Variants in NRCAM observed in about 807,000 individuals in gnomAD.
NRCAM encodes the protein NgCAM-related cell adhesion molecule.
NRCAM carries 83 observed loss-of-function variants against 156.5 expected under a neutral mutation model. The observed-to-expected ratio is 0.53, with a 90% CI of 0.44 to 0.64. The LOEUF (loss-of-function observed/expected upper bound fraction) is 0.64. Ranked by LOEUF, NRCAM falls within the 30% of genes least tolerant of loss-of-function variation. NRCAM has a pLI of 0.00. For missense variants in NRCAM, 1,417 were observed against 1,597.3 expected (o/e 0.89, Z 1.92); for synonymous variants, 538 against 563.9 (o/e 0.95, Z 0.65).
chr7:108,377,990 A>T (rs2099683325), intron 2 of NRCAM, among the ~76,000 whole-genome samples: 1 of 152,206 alleles, frequency 6.6e-6, no homozygotes, highest in Non-Finnish European at 1.5e-5. Flanking sequence ...TCCCTTAGAA[A>T]CAAACTTAAA....
intron 2 of NRCAM, among the ~76,000 whole-genome samples, chr7:108,317,777 C>G (rs187011696): frequency 2.0e-5 from 3 of 151,518 alleles, no homozygotes; most frequent in Non-Finnish European, 4.4e-5. Context: ...GACGTGGTGG[C>G]GGGCACCTGT....
chr7:108,421,357 C>G (rs749377334), intron 1 of NRCAM, among the ~76,000 whole-genome samples: 1 of 152,072 alleles, frequency 6.6e-6, no homozygotes, highest in Non-Finnish European at 1.5e-5. Flanking sequence ...ATATCACATG[C>G]CATTTATCAA....
At chr7:108,205,518 A>G (rs552883076) in intron 13 of NRCAM, among the ~76,000 whole-genome samples, 1 of 152,272 alleles carries the variant, frequency 6.6e-6, no homozygotes, top group African/African-American at 2.4e-5. Flanking sequence ...TCTGGCTGCC[A>G]AGCTTGAGGG....
chr7:108,370,323 C>A (rs961626431), intron 2 of NRCAM, among the ~76,000 whole-genome samples: 3 of 152,128 alleles, frequency 2.0e-5, no homozygotes, highest in African/African-American at 7.2e-5. Flanking sequence ...GGAGGGCTTT[C>A]TTTGCGTCTT....
chr7:108,385,079 A>C (rs1245790786), intron 2 of NRCAM, among the ~76,000 whole-genome samples: 3 of 152,248 alleles, frequency 2.0e-5, no homozygotes, highest in Non-Finnish European at 2.9e-5. Context: ...GTAGCATCTG[A>C]TCCTAAGCAA....
intron 3 of NRCAM, among the ~76,000 whole-genome samples, chr7:108,241,256 G>A (rs964935931): frequency 6.6e-6 from 1 of 152,108 alleles, no homozygotes; most frequent in African/African-American, 2.4e-5. Context: ...TCTCATCTTT[G>A]TAGCCCTCTC....
At chr7:108,293,130 T>C (rs1329230478) in intron 3 of NRCAM, among the ~76,000 whole-genome samples, 2 of 152,172 alleles carry the variant, frequency 1.3e-5, no homozygotes, top group Non-Finnish European at 2.9e-5. Flanking sequence ...ACGGTGTGAA[T>C]GCCTCATCCT....
intron 2 of NRCAM, among the ~76,000 whole-genome samples, chr7:108,382,111 G>A (rs956564751): frequency 3.9e-5 from 6 of 152,184 alleles, no homozygotes; most frequent in Non-Finnish European, 5.9e-5. Flanking sequence ...AGGCTGTGAA[G>A]GGGTGCATGG....
At chr7:108,293,878 CAG>C (rs2098389893) in intron 3 of NRCAM, among the ~76,000 whole-genome samples, 1 of 152,122 alleles carries the variant, frequency 6.6e-6, no homozygotes, top group African/African-American at 2.4e-5. Flanking sequence ...ATTTTAAACT[CAG>C]GGCTCTTTCC....
rs1363570765 is a variant in NRCAM at position 108,147,663 on chromosome 7, G to GAT, written c.*2246_*2247insAT. 2 of 152,268 alleles carry GAT rather than the reference G, an allele frequency of 1.3e-5. No individual in the cohort carries two copies. The highest frequency in any genetic ancestry group is 4.8e-5 in the African/African-American group (2 of 41,452). The allele number at this position is 152,268 out of a possible 1,614,324, so 9.4% of individuals were successfully genotyped here. ...TAAAAGTCACAAAGAGATCAAGACTGTTTAATAGTTACTTTTTTGAGGGAA... is the reference window on the plus strand; with the variant it reads ...TAAAAGTCACAAAGAGATCAAGACTGATTTTAATAGTTACTTTTTTGAGGGAA... On this transcript the variant is annotated 3_prime_UTR_variant, in exon 33 of 33. Coordinates refer to ENST00000379028, the MANE Select transcript of NRCAM (RefSeq NM_001037132.4).
chr7:108,339,757 C>G lies in NRCAM; in HGVS notation c.-173-27026G>C, dbSNP rs529852324. Reference sequence around the variant, plus strand: ...AGGACGCTCTACGACTAATGCTCGTCGGAAAATGACTAGAGGTGCTGGCAT... The same window carrying G: ...AGGACGCTCTACGACTAATGCTCGTGGGAAAATGACTAGAGGTGCTGGCAT... On this transcript the variant is annotated intron_variant, in intron 2 of 32. Transcript: ENST00000379028. Among the ~76,000 whole-genome samples the G allele has an allele frequency of 4.0e-5, 6 of 151,046 alleles. No homozygotes were observed. The East Asian group carries it at 1.2e-3, about 29-fold the overall frequency.
chr7:108,160,624 C>T, intron 30 of NRCAM, 132 bp from the exon 31 acceptor site: 1 of 615,340 alleles, frequency 1.6e-6, no homozygotes, highest in South Asian at 3.6e-5. Flanking sequence ...AAATTAGGAT[C>T]TGTCAATTAT....
chr7:108,295,617 A>T (rs558319313), intron 3 of NRCAM, among the ~76,000 whole-genome samples: 1 of 152,230 alleles, frequency 6.6e-6, no homozygotes, highest in South Asian at 2.1e-4. Context: ...ATGCCATCAC[A>T]TCAGAGATTT....
intron 3 of NRCAM, among the ~76,000 whole-genome samples, chr7:108,295,554 C>T (rs913861990): frequency 3.3e-5 from 5 of 152,184 alleles, no homozygotes; most frequent in Admixed American, 2.0e-4. Context: ...CTAATCCCAT[C>T]CAATAGGGCT....
At chr7:108,247,670 T>A (rs1206924744) in intron 3 of NRCAM, among the ~76,000 whole-genome samples, 1 of 151,890 alleles carries the variant, frequency 6.6e-6, no homozygotes, top group Non-Finnish European at 1.5e-5. Flanking sequence ...TATACTAATT[T>A]ATTTCTAATG....
At chr7:108,214,598 C>G (rs1009718467) in intron 11 of NRCAM, among the ~76,000 whole-genome samples, 2 of 152,110 alleles carry the variant, frequency 1.3e-5, no homozygotes, top group Non-Finnish European at 2.9e-5. Context: ...ATGTCTCTAT[C>G]GCCTTTAGTT....
rs2040152598 is a variant in NRCAM at position 108,149,562 on chromosome 7, A to G, written c.*348T>C. 4.5e-6 allele frequency: 1 copy of G among 223,146 alleles called. No homozygotes were observed. Among genetic ancestry groups the G allele is most frequent in the East Asian group, 1.1e-4 (1 of 9,514 alleles). The allele number at this position is 223,146 out of a possible 1,614,324, so 13.8% of individuals were successfully genotyped here. On this transcript the variant is annotated 3_prime_UTR_variant, in exon 33 of 33. Transcript: ENST00000379028. ...ACAAAGTATCAAACCATGTTTTCAT[A>G]ACATACACGGGTATGTCCTTTAAAT...
At chr7:108,224,102 G>T (rs919210018) in intron 10 of NRCAM, among the ~76,000 whole-genome samples, 3 of 151,970 alleles carry the variant, frequency 2.0e-5, no homozygotes, top group Non-Finnish European at 4.4e-5. Context: ...CCTTAATTTG[G>T]GTTAGGTTTT....
At chr7:108,202,632 C>A (rs2078791270) in intron 13 of NRCAM, among the ~76,000 whole-genome samples, 1 of 152,158 alleles carries the variant, frequency 6.6e-6, no homozygotes, top group Non-Finnish European at 1.5e-5. Context: ...TGCCACTGAG[C>A]CCCTTAGTTT....
Sources: allele counts gnomAD v4.1 joint callset (sites outside exome capture counted in the v4.1 genomes callset), GRCh38; gene constraint gnomAD v4.1.1; transcripts MANE v1.5; gene names NCBI Gene and HGNC (gene_info 2026-07-23, HGNC 2026-07-21).